Variants in BMPR1B observed in about 807,000 individuals in gnomAD.
BMPR1B encodes the protein bone morphogenetic protein receptor type 1B.
BMPR1B carries 12 observed loss-of-function variants against 59.1 expected under a neutral mutation model. That is an observed-to-expected ratio of 0.20 (90% CI 0.13 to 0.33). The LOEUF is 0.33. Among genes scored for constraint, BMPR1B ranks in the 10% least tolerant of loss-of-function variants. The pLI, the probability that BMPR1B is intolerant of heterozygous loss-of-function variation, is 1.00. For synonymous variants in BMPR1B, 237 were observed against 207.3 expected (o/e 1.14, Z -1.23); for missense variants, 550 against 610.9 (o/e 0.90, Z 1.05).
intron 3 of BMPR1B, among the ~76,000 whole-genome samples, chr4:95,028,645 A>C (rs915001946): frequency 6.6e-6 from 1 of 152,174 alleles, no homozygotes; most frequent in Admixed American, 6.6e-5. Flanking sequence ...TAAAATTGCT[A>C]TCTCTTTACT....
intron 3 of BMPR1B, among the ~76,000 whole-genome samples, chr4:95,052,899 G>C (rs1469298121): frequency 1.3e-5 from 2 of 152,168 alleles, no homozygotes; most frequent in African/African-American, 2.4e-5. Flanking sequence ...CAGGGAAACT[G>C]TGTCTTAAGA....
chr4:94,986,350 A>C (rs1159007732), intron 2 of BMPR1B, among the ~76,000 whole-genome samples: 1 of 152,216 alleles, frequency 6.6e-6, no homozygotes, highest in East Asian at 1.9e-4. Context: ...AAACAAAACA[A>C]AACAAAACTC....
chr4:95,094,096 C>T (rs1730196314), intron 3 of BMPR1B, among the ~76,000 whole-genome samples: 1 of 152,016 alleles, frequency 6.6e-6, no homozygotes, highest in South Asian at 2.1e-4. Flanking sequence ...ATTTGTCTCA[C>T]AGTGTTCCAC....
intron 2 of BMPR1B, among the ~76,000 whole-genome samples, chr4:94,983,630 G>A (rs770395367): frequency 2.2e-4 from 33 of 152,080 alleles, no homozygotes; most frequent in Non-Finnish European, 4.0e-4. Flanking sequence ...ACCACTTAAG[G>A]CCCTAACTCC....
At position 94,981,454 on chromosome 4, in the gene BMPR1B, C is replaced by T. The variant is rs536537107; in HGVS notation, c.-112-14586C>T. ...TATTTTAATATTTCTAATAGAAACA[C>T]GAGGAGAAGCTCTACCAGTGGAACT... On this transcript the variant is annotated intron_variant, in intron 2 of 12. Coordinates refer to ENST00000515059, the MANE Select transcript of BMPR1B (RefSeq NM_001203.3). Among the ~76,000 whole-genome samples, 19 of 152,274 alleles carry T rather than the reference C, an allele frequency of 1.2e-4. 1 individual carries two copies. The highest frequency in any genetic ancestry group is 2.5e-4 in the Non-Finnish European group (17 of 68,022).
chr4:95,148,889 C>A lies in BMPR1B; in HGVS notation c.1218C>A (p.Ile406=), dbSNP rs1249369276. 3 of 1,613,980 alleles carry A rather than the reference C, an allele frequency of 1.9e-6. No individual in the cohort carries two copies. The highest frequency in any genetic ancestry group is 1.7e-5 in the Admixed American group (1 of 59,986). ...CTGACATGTATAGTTTTGGCCTCAT[C>A]CTTTGGGAGGTTGCTAGGAGATGTG... The part of the protein sequence containing the change: ...IMADMYSFGL[I]LWEVARRCVS... Residue 406 remains isoleucine (I), a synonymous_variant, in exon 11 of 13, where the codon ATC becomes ATA. Coordinates refer to ENST00000515059, the MANE Select transcript of BMPR1B (RefSeq NM_001203.3).
chr4:95,151,885 A>C (rs1735067981), intron 11 of BMPR1B, among the ~76,000 whole-genome samples: 2 of 152,178 alleles, frequency 1.3e-5, no homozygotes, highest in African/African-American at 2.4e-5. Flanking sequence ...GAAAAAGAAG[A>C]TACTAGAAGC....
intron 1 of BMPR1B, among the ~76,000 whole-genome samples, chr4:94,805,361 T>A (rs13149911): frequency 0.31 from 47,820 of 152,016 alleles, 8,136 homozygotes; most frequent in African/African-American, 0.44. Flanking sequence ...AATGCTCATT[T>A]TAGATGTTAA....
At chr4:94,758,487 A>G (rs1329814500) in intron 1 of BMPR1B, among the ~76,000 whole-genome samples, 1 of 151,070 alleles carries the variant, frequency 6.6e-6, no homozygotes, top group Non-Finnish European at 1.5e-5. Context: ...GGGCGAGCTG[A>G]GGGCAGTCGC....
At chr4:94,829,123 C>T (rs1177974854) in intron 1 of BMPR1B, among the ~76,000 whole-genome samples, 1 of 152,040 alleles carries the variant, frequency 6.6e-6, no homozygotes, top group Non-Finnish European at 1.5e-5. Flanking sequence ...TATCTGACCT[C>T]ACATACCACA....
rs994236361 is a variant in BMPR1B, at chr4:94,983,273, CATTT to C, written c.-112-12766_-112-12763del. Reference sequence around the variant, plus strand: ...TTTCCCTATTTGTTATTATCACATTCATTTGTTAGTGTTTGTTTTCCCACTAGTA... The same window carrying C: ...TTTCCCTATTTGTTATTATCACATTCGTTAGTGTTTGTTTTCCCACTAGTA... On this transcript the variant is annotated intron_variant, in intron 2 of 12. Transcript: ENST00000515059. 3.9e-4 allele frequency among the ~76,000 whole-genome samples: 60 copies of C among 151,980 alleles called. 1 individual carries two copies. Among genetic ancestry groups the C allele is most frequent in the Admixed American group, 2.0e-4 (3 of 15,266 alleles).
intron 1 of BMPR1B, among the ~76,000 whole-genome samples, chr4:94,766,407 C>CTT (rs33979041): frequency 7.5e-5 from 10 of 133,180 alleles, no homozygotes; most frequent in African/African-American, 2.8e-4. Context: ...CGGCTCCTGT[C>CTT]TTTTTTTTTT....
chr4:94,786,224 AC>A (rs1002613872), intron 1 of BMPR1B, among the ~76,000 whole-genome samples: 1 of 152,114 alleles, frequency 6.6e-6, no homozygotes, highest in African/African-American at 2.4e-5. Context: ...GCGGGTACTT[AC>A]CCCTGTGTGA....
intron 2 of BMPR1B, among the ~76,000 whole-genome samples, chr4:94,970,280 TC>T (rs753264132): frequency 0.029 from 3,405 of 119,304 alleles, 143 homozygotes; most frequent in African/African-American, 0.087. Context: ...TCTTCTCTTC[TC>T]TTCTCTTCTC....
chr4:95,091,242 C>A (rs1666692142), intron 3 of BMPR1B, among the ~76,000 whole-genome samples: 1 of 151,564 alleles, frequency 6.6e-6, no homozygotes, highest in African/African-American at 2.4e-5. Flanking sequence ...ATTCTTTTTC[C>A]TTTTTCTTTT....
At chr4:94,773,945 CTG>C (rs1296545713) in intron 1 of BMPR1B, among the ~76,000 whole-genome samples, 1 of 152,062 alleles carries the variant, frequency 6.6e-6, no homozygotes, top group Non-Finnish European at 1.5e-5. Flanking sequence ...TGTAGTCACA[CTG>C]TTCTGTGATT....
intron 1 of BMPR1B, among the ~76,000 whole-genome samples, chr4:94,868,855 A>G (rs1007925288): frequency 6.6e-6 from 1 of 152,188 alleles, no homozygotes; most frequent in Non-Finnish European, 1.5e-5. Context: ...CCAGTTTGGT[A>G]GACTACAGCA....
chr4:95,142,568 T>A (rs939552105), intron 10 of BMPR1B, among the ~76,000 whole-genome samples: 9 of 152,098 alleles, frequency 5.9e-5, no homozygotes, highest in African/African-American at 2.2e-4. Flanking sequence ...TTTTTTTACC[T>A]TCCTACTTCC....
intron 2 of BMPR1B, among the ~76,000 whole-genome samples, chr4:94,939,586 G>T (rs1189854559): frequency 1.3e-5 from 2 of 152,166 alleles, no homozygotes; most frequent in African/African-American, 4.8e-5. Context: ...ATAAGGTTCA[G>T]AGCAAACTGA....
Sources: gnomAD v4.1 joint callset for allele counts (sites outside exome capture counted in the v4.1 genomes callset) on GRCh38, gnomAD v4.1.1 for gene constraint, MANE v1.5 for transcripts, NCBI Gene and HGNC (gene_info 2026-07-23, HGNC 2026-07-21) for gene names.